Variants in RORA observed in about 807,000 individuals in gnomAD.
The protein encoded by RORA is RAR related orphan receptor A.
A neutral mutation model predicts 69.5 loss-of-function variants in RORA; 7 were observed. That is an observed-to-expected ratio of 0.10 (90% CI 0.06 to 0.19). RORA has a LOEUF of 0.19. RORA is among the 10% of genes least tolerant of loss of function. The probability of loss-of-function intolerance (pLI) is 1.00; values close to 1 mark genes in which losing one functional copy is unlikely to be tolerated. For missense variants in RORA, 457 were observed against 663.0 expected (o/e 0.69, Z 3.41); for synonymous variants, 261 against 240.8 (o/e 1.08, Z -0.78).
At chr15:61,145,906 G>A (rs945044397) in intron 1 of RORA, among the ~76,000 whole-genome samples, 4 of 152,116 alleles carry the variant, frequency 2.6e-5, no homozygotes, top group African/African-American at 7.2e-5. Context: ...CACAGAAAGA[G>A]ACCCACAAAA....
At chr15:60,730,329 T>C (rs2071412540) in intron 1 of RORA, among the ~76,000 whole-genome samples, 1 of 152,250 alleles carries the variant, frequency 6.6e-6, no homozygotes, top group South Asian at 2.1e-4. Context: ...GGAAATGCCA[T>C]TCTTCTCATT....
intron 2 of RORA, among the ~76,000 whole-genome samples, chr15:60,636,017 G>C (rs2140663252): frequency 6.6e-6 from 1 of 152,212 alleles, no homozygotes; most frequent in Non-Finnish European, 1.5e-5. Context: ...TGTAAGACTT[G>C]CCATTTTTAA....
chr15:60,715,509 G>A (rs2140815609), intron 1 of RORA, among the ~76,000 whole-genome samples: 1 of 152,298 alleles, frequency 6.6e-6, no homozygotes, highest in Non-Finnish European at 1.5e-5. Context: ...AATAGAAGAA[G>A]CCTGGACAAA....
intron 3 of RORA, among the ~76,000 whole-genome samples, chr15:60,522,316 G>A (rs1203600485): frequency 1.3e-5 from 2 of 152,194 alleles, no homozygotes; most frequent in African/African-American, 4.8e-5. Flanking sequence ...AGCGGGTCGG[G>A]TGGCTTGAAA....
At chr15:61,140,918 GAA>G in intron 1 of RORA, among the ~76,000 whole-genome samples, 1 of 152,160 alleles carries the variant, frequency 6.6e-6, no homozygotes, top group Admixed American at 6.5e-5. Context: ...ATAAATAAAT[GAA>G]AAGAGAGGCT....
At chr15:60,995,816 T>C (rs531423023) in intron 1 of RORA, among the ~76,000 whole-genome samples, 12 of 152,284 alleles carry the variant, frequency 7.9e-5, no homozygotes, top group South Asian at 6.2e-4. Context: ...CCACAGAGTA[T>C]GAATATGAAA....
chr15:60,752,278 C>T (rs531087889), intron 1 of RORA, among the ~76,000 whole-genome samples: 1 of 152,144 alleles, frequency 6.6e-6, no homozygotes, highest in Non-Finnish European at 1.5e-5. Context: ...ATTTCCTTCC[C>T]GATGGCACAA....
chr15:60,917,145 T>C (rs1187683465), intron 1 of RORA, among the ~76,000 whole-genome samples: 1 of 152,184 alleles, frequency 6.6e-6, no homozygotes. Flanking sequence ...TCTTCAGCCT[T>C]GGGCACCTAC....
At chr15:60,849,514 T>A (rs1214623169) in intron 1 of RORA, among the ~76,000 whole-genome samples, 2 of 152,214 alleles carry the variant, frequency 1.3e-5, no homozygotes. Context: ...ATGATCCTCC[T>A]ACAGTCTCCA....
intron 2 of RORA, among the ~76,000 whole-genome samples, chr15:60,570,170 C>A (rs946032142): frequency 2.0e-5 from 3 of 152,068 alleles, no homozygotes; most frequent in African/African-American, 7.2e-5. Flanking sequence ...ACAGCCCGGG[C>A]ACTTCATAAA....
At chr15:60,750,309 T>C (rs2071705801) in intron 1 of RORA, among the ~76,000 whole-genome samples, 1 of 152,214 alleles carries the variant, frequency 6.6e-6, no homozygotes, top group African/African-American at 2.4e-5. Context: ...GTCTCCTCAA[T>C]CAGTATTTCC....
chr15:61,169,972 C>T (rs4775368), intron 1 of RORA, among the ~76,000 whole-genome samples: 62,095 of 151,932 alleles, frequency 0.41, 13,682 homozygotes, highest in Non-Finnish European at 0.49. Context: ...CCCAGAGGCA[C>T]CGTGTCCATC....
intron 1 of RORA, among the ~76,000 whole-genome samples, chr15:60,826,767 CT>C (rs1567204775): frequency 1.5e-5 from 1 of 64,842 alleles, no homozygotes; most frequent in Non-Finnish European, 4.0e-5. Flanking sequence ...CTCTCTCTCC[CT>C]CTCTCTCTCT....
intron 2 of RORA, among the ~76,000 whole-genome samples, chr15:60,578,938 TATTTTCAGTAGG>T (rs1205184312): frequency 2.6e-5 from 4 of 151,880 alleles, no homozygotes; most frequent in Non-Finnish European, 5.9e-5. Flanking sequence ...TAATTTTTTG[TATTTTCAGTAGG>T]GATGGGGTTT....
At chr15:61,163,012 A>C (rs1018683207) in intron 1 of RORA, among the ~76,000 whole-genome samples, 1 of 152,242 alleles carries the variant, frequency 6.6e-6, no homozygotes, top group East Asian at 1.9e-4. Flanking sequence ...ATGTTGGGTG[A>C]TAAGTCAATG....
chr15:60,739,594 A>G (rs1252762470), intron 1 of RORA, among the ~76,000 whole-genome samples: 2 of 152,136 alleles, frequency 1.3e-5, no homozygotes, highest in Non-Finnish European at 2.9e-5. Flanking sequence ...TTTTTTTTAA[A>G]GGAAATACTT....
chr15:60,835,497 T>C (rs1347634818), intron 1 of RORA, among the ~76,000 whole-genome samples: 1 of 152,174 alleles, frequency 6.6e-6, no homozygotes, highest in Non-Finnish European at 1.5e-5. Context: ...CCAGGAGATA[T>C]ACCTAAAAGT....
chr15:60,792,963 C>A (rs1055452719), intron 1 of RORA, among the ~76,000 whole-genome samples: 2 of 151,736 alleles, frequency 1.3e-5, no homozygotes, highest in Non-Finnish European at 2.9e-5. Flanking sequence ...GTCACAAAAC[C>A]CCTAAATTCT....
chr15:60,795,641 C>T (rs1034142609), intron 1 of RORA, among the ~76,000 whole-genome samples: 2 of 152,150 alleles, frequency 1.3e-5, no homozygotes, highest in East Asian at 1.9e-4. Flanking sequence ...AGCTTCCTGC[C>T]CTCCCTCCCT....
Sources: allele counts gnomAD v4.1 joint callset (sites outside exome capture counted in the v4.1 genomes callset), GRCh38; gene constraint gnomAD v4.1.1; transcripts MANE v1.5; gene names NCBI Gene and HGNC (gene_info 2026-07-23, HGNC 2026-07-21).